Variants in PDE10A observed in about 807,000 individuals in gnomAD.
PDE10A encodes the protein phosphodiesterase 10A.
Under a neutral mutation model 97.7 loss-of-function variants are expected in PDE10A, and 39 were observed. That is an observed-to-expected ratio of 0.40 (90% confidence interval 0.31 to 0.52). The LOEUF (loss-of-function observed/expected upper bound fraction) is 0.52, where lower values mean the gene tolerates loss of function less well. Ranked by LOEUF, PDE10A falls within the 20% of genes least tolerant of loss-of-function variation. The probability of loss-of-function intolerance (pLI) is 0.56; values close to 1 mark genes in which losing one functional copy is unlikely to be tolerated. For missense variants in PDE10A, 731 were observed against 1,047.8 expected (o/e 0.70, Z 4.17); for synonymous variants, 371 against 376.8 (o/e 0.98, Z 0.18).
chr6:165,719,012 T>C (rs1039422274), intron 1 of PDE10A, among the ~76,000 whole-genome samples: 1 of 152,096 alleles, frequency 6.6e-6, no homozygotes. Flanking sequence ...AAGAACAATA[T>C]AGGGGTTTTG....
At chr6:165,430,480 T>G in intron 8 of PDE10A, 135 bp from the exon 9 acceptor site, 1 of 570,862 alleles carries the variant, frequency 1.8e-6, no homozygotes, top group Non-Finnish European at 3.1e-6. Flanking sequence ...AATAATAATA[T>G]CAATAACCAT....
chr6:165,710,424 A>G (rs1791865899), intron 1 of PDE10A, among the ~76,000 whole-genome samples: 3 of 152,204 alleles, frequency 2.0e-5, no homozygotes, highest in Admixed American at 6.5e-5. Flanking sequence ...GTTTTTGTGA[A>G]TATATAAAAA....
chr6:165,986,788 G>A (rs1219240386), intron 1 of PDE10A, among the ~76,000 whole-genome samples: 1 of 151,854 alleles, frequency 6.6e-6, no homozygotes, highest in Non-Finnish European at 1.5e-5. Flanking sequence ...TGGGGGGAGG[G>A]GGGACGGGAC....
At chr6:165,674,292 A>T (rs1362905626) in intron 1 of PDE10A, among the ~76,000 whole-genome samples, 1 of 151,776 alleles carries the variant, frequency 6.6e-6, no homozygotes, top group Non-Finnish European at 1.5e-5. Context: ...AAATGCCTCC[A>T]GTGGTCCCTG....
Position 165,327,488 on chromosome 6 carries a change from TG to T in PDE10A, c.*5536del, listed in dbSNP as rs1349949738. 6.6e-6 allele frequency: 1 copy of T among 152,184 alleles called. No individual in the cohort carries two copies. The highest frequency in any genetic ancestry group is 1.5e-5 in the Non-Finnish European group (1 of 67,998). 9.4% of individuals were successfully genotyped at this position (152,184 alleles called of 1,614,324 possible). A position where few individuals can be genotyped will look rare whatever the true frequency, so the allele number is the denominator to read the frequency against. On this transcript the variant is annotated 3_prime_UTR_variant, in exon 22 of 22. Transcript: ENST00000539869. Reference sequence around the variant, plus strand: ...ATAACACTCATATATGCATATATACTGGCTGTTTGAATTATGAATTTATTTA... The same window carrying T: ...ATAACACTCATATATGCATATATACTGCTGTTTGAATTATGAATTTATTTA...
chr6:165,623,692 T>C (rs1053308203), intron 1 of PDE10A, among the ~76,000 whole-genome samples: 4 of 152,162 alleles, frequency 2.6e-5, no homozygotes, highest in Non-Finnish European at 5.9e-5. Flanking sequence ...GGCCTCTCAG[T>C]TGCGGAACCC....
intron 1 of PDE10A, among the ~76,000 whole-genome samples, chr6:165,609,230 G>A (rs986036006): frequency 6.6e-6 from 1 of 152,130 alleles, no homozygotes; most frequent in African/African-American, 2.4e-5. Context: ...ACGCAATCCA[G>A]CATATAAACA....
Position 165,392,696 on chromosome 6 carries a change from A to C in PDE10A, c.2404T>G (p.Cys802Gly). 1 of 1,613,744 alleles carries C rather than the reference A, an allele frequency of 6.2e-7. No individual in the cohort carries two copies. Among genetic ancestry groups the C allele is most frequent in the Non-Finnish European group, 8.5e-7 (1 of 1,179,692 alleles). Residue 802 changes from cysteine (C) to glycine (G), a missense_variant, in exon 16 of 22, where the codon TGC (cysteine) becomes GGC (glycine). By Grantham distance (159) the Cys-to-Gly change is radical (BLOSUM62 -3). Coordinates refer to ENST00000539869, the MANE Select transcript of PDE10A (RefSeq NM_001385079.1). ...NWKHAVTVAH[C>G]MYAILQNNHT... ...TTGTTCTGAAGTATGGCATACATGC[A>C]GTGTGCTACAGTGACCGCATGCTTC...
chr6:165,338,451 C>T (rs956864313), intron 20 of PDE10A, among the ~76,000 whole-genome samples: 5 of 152,146 alleles, frequency 3.3e-5, no homozygotes, highest in African/African-American at 1.2e-4. Context: ...TGACACCACA[C>T]ATACACATGT....
chr6:165,912,597 A>G lies in PDE10A; in HGVS notation c.-615+74932T>C, dbSNP rs368145930. ...CAGTGCTGAAGTGCTGTCTAGTGTC[A>G]CAAGTCGTGAGACTGCTGTGATGTG... On this transcript the variant is annotated intron_variant, in intron 1 of 19. Transcript: ENST00000366882. Among the ~76,000 whole-genome samples, 5 of 152,332 alleles carry G rather than the reference A, an allele frequency of 3.3e-5. No homozygotes were observed. The South Asian group carries it at 1.0e-3, about 32-fold the overall frequency.
intron 1 of PDE10A, among the ~76,000 whole-genome samples, chr6:165,619,064 G>GTAGTC (rs1562633650): frequency 5.0e-5 from 7 of 139,384 alleles, no homozygotes; most frequent in African/African-American, 1.8e-4. Flanking sequence ...GTGGTGTAGT[G>GTAGTC]TAGTGTAGTG....
At chr6:165,782,818 A>C (rs1403048851) in intron 1 of PDE10A, among the ~76,000 whole-genome samples, 1 of 152,190 alleles carries the variant, frequency 6.6e-6, no homozygotes, top group Non-Finnish European at 1.5e-5. Context: ...AGATGTGGGG[A>C]GCAGGAAATT....
At chr6:165,425,318 C>T (rs1433115397) in intron 10 of PDE10A, among the ~76,000 whole-genome samples, 1 of 152,068 alleles carries the variant, frequency 6.6e-6, no homozygotes, top group African/African-American at 2.4e-5. Context: ...AAATTTAGGA[C>T]AATTCCAATA....
At chr6:165,549,442 A>T (rs1048511480) in intron 1 of PDE10A, among the ~76,000 whole-genome samples, 4 of 152,074 alleles carry the variant, frequency 2.6e-5, no homozygotes, top group Non-Finnish European at 5.9e-5. Flanking sequence ...CTCCTGCCTC[A>T]GCCTCCCGAT....
At position 165,327,996 on chromosome 6, in the gene PDE10A, C is replaced by G. The variant is rs1449551430; in HGVS notation, c.*5029G>C. 2 of 152,124 alleles carry G rather than the reference C, an allele frequency of 1.3e-5. No homozygotes were observed. Among genetic ancestry groups the G allele is most frequent in the Non-Finnish European group, 2.9e-5 (2 of 68,024 alleles). 9.4% of individuals were successfully genotyped at this position (152,124 alleles called of 1,614,324 possible). A position where few individuals can be genotyped will look rare whatever the true frequency, so the allele number is the denominator to read the frequency against. On this transcript the variant is annotated 3_prime_UTR_variant, in exon 22 of 22. Coordinates refer to ENST00000539869, the MANE Select transcript of PDE10A (RefSeq NM_001385079.1). ...TGTTCATTTGTTCATGTAAAGAAAA[C>G]CATCTTGTCTTCTCAGAAAGAATGA...
chr6:165,764,040 A>G (rs1157228638), intron 1 of PDE10A, among the ~76,000 whole-genome samples: 2 of 152,250 alleles, frequency 1.3e-5, no homozygotes, highest in Non-Finnish European at 2.9e-5. Flanking sequence ...GGCTTGACAC[A>G]AAACACTGCC....
chr6:165,487,684 A>G (rs77959998), intron 2 of PDE10A, among the ~76,000 whole-genome samples: 306 of 152,288 alleles, frequency 2.0e-3, no homozygotes, highest in African/African-American at 7.2e-3. Context: ...TTACAAGTTC[A>G]AAGTGAAATA....
At chr6:165,426,073 C>T (rs889151510) in intron 10 of PDE10A, among the ~76,000 whole-genome samples, 5 of 152,088 alleles carry the variant, frequency 3.3e-5, no homozygotes, top group South Asian at 2.1e-4. Flanking sequence ...ACCTCACGTT[C>T]GTGTATTAGA....
At chr6:165,360,375 T>C (rs1019781239) in intron 18 of PDE10A, among the ~76,000 whole-genome samples, 2 of 152,226 alleles carry the variant, frequency 1.3e-5, no homozygotes, top group African/African-American at 4.8e-5. Flanking sequence ...AGTGCTGCTA[T>C]AAGGCTCTGC....
Sources: allele counts gnomAD v4.1 joint callset (sites outside exome capture counted in the v4.1 genomes callset), GRCh38; gene constraint gnomAD v4.1.1; transcripts MANE v1.5; gene names NCBI Gene and HGNC (gene_info 2026-07-23, HGNC 2026-07-21).